FAT4: variants seen among roughly 807,000 people sequenced by gnomAD.
FAT4 encodes the protein FAT atypical cadherin 4.
Under a neutral mutation model 303.9 loss-of-function variants are expected in FAT4, and 84 were observed. The observed-to-expected ratio is 0.28, with a 90% confidence interval of 0.23 to 0.33. FAT4 has a LOEUF of 0.33. FAT4 is among the 10% of genes least tolerant of loss of function. FAT4 has a pLI of 1.00. For synonymous variants in FAT4, 2,307 were observed against 2,298.8 expected (o/e 1.00, Z -0.10); for missense variants, 6,005 against 6,146.8 (o/e 0.98, Z 0.77).
At chr4:125,349,161 A>C (rs556274764) in intron 2 of FAT4, among the ~76,000 whole-genome samples, 10 of 151,782 alleles carry the variant, frequency 6.6e-5, no homozygotes, top group Admixed American at 2.0e-4. Flanking sequence ...TTTTTGTTGA[A>C]GTTTATTAAA....
intron 10 of FAT4, among the ~76,000 whole-genome samples, chr4:125,461,794 G>T (rs1438710694): frequency 6.6e-6 from 1 of 151,684 alleles, no homozygotes; most frequent in African/African-American, 2.4e-5. Flanking sequence ...TTGCAACTGG[G>T]AAATACTGTG....
At chr4:125,460,730 G>C (rs573686675) in intron 10 of FAT4, among the ~76,000 whole-genome samples, 29 of 152,150 alleles carry the variant, frequency 1.9e-4, no homozygotes, top group African/African-American at 6.5e-4. Context: ...ATTGTGAATA[G>C]TGCTGCATTG....
rs6534485 is a variant in FAT4, at chr4:125,492,710, A to T, written c.*942A>T. On this transcript the variant is annotated 3_prime_UTR_variant, in exon 18 of 18. Transcript: ENST00000394329. ...TTGTCATTTTGTAGATCATTTTTTT[A>T]AAATACTGTGTAAAAACTTTTTTTA... 151,380 of 152,614 alleles carry T rather than the reference A, an allele frequency of 0.99. 75,092 individuals carry two copies. The highest frequency in any genetic ancestry group is 1 in the Middle Eastern group (294 of 294). 9.5% of individuals were successfully genotyped at this position (152,614 alleles called of 1,614,324 possible).
At chr4:125,339,266 C>A (rs1184092903) in intron 2 of FAT4, among the ~76,000 whole-genome samples, 1 of 151,276 alleles carries the variant, frequency 6.6e-6, no homozygotes, top group East Asian at 1.9e-4. Context: ...CGGGTTCAAG[C>A]GATTCTCCTG....
intron 2 of FAT4, among the ~76,000 whole-genome samples, chr4:125,372,568 A>G (rs1733160054): frequency 6.6e-6 from 1 of 152,154 alleles, no homozygotes; most frequent in Non-Finnish European, 1.5e-5. Context: ...TACTTAGAAC[A>G]TATTACTGGT....
intron 9 of FAT4, among the ~76,000 whole-genome samples, chr4:125,446,949 G>A (rs886221121): frequency 6.6e-6 from 1 of 151,898 alleles, no homozygotes; most frequent in African/African-American, 2.4e-5. Flanking sequence ...GAGATAATAG[G>A]CATTCAACTA....
Position 125,451,947 on chromosome 4 carries a change from T to C in FAT4, c.10937T>C (p.Leu3646Ser), listed in dbSNP as rs1560617543. ...GTGAAGCCACAGGATCCAGATGTGT[T>C]AGACAGCTTCCACTGCTCCCTTACT... ...GSVKPQDPDV[L>S]DSFHCSLTSG... The change falls in exon 10 of 18, where the codon TTA (leucine) becomes TCA (serine). Residue 3646 changes from leucine to serine, a missense_variant. Coordinates refer to ENST00000394329, the MANE Select transcript of FAT4 (RefSeq NM_001291303.3). 4 of 1,614,070 alleles carry C rather than the reference T, an allele frequency of 2.5e-6. No homozygotes were observed. Among genetic ancestry groups the C allele is most frequent in the Non-Finnish European group, 3.4e-6 (4 of 1,180,032 alleles).
Position 125,463,576 on chromosome 4 carries a change from A to G in FAT4, c.11814A>G (p.Glu3938=). 1 of 1,581,212 alleles carries G rather than the reference A, an allele frequency of 6.3e-7. No individual in the cohort carries two copies. Among genetic ancestry groups the G allele is most frequent in the Non-Finnish European group, 8.6e-7 (1 of 1,160,096 alleles). Residue 3938 remains glutamate, a synonymous_variant, in exon 11 of 18, where the codon GAA becomes GAG. Coordinates refer to ENST00000394329, the MANE Select transcript of FAT4 (RefSeq NM_001291303.3). ...CKTGYTGKMC[E]SSVNYCECNP... The stretch of plus-strand genomic sequence containing the variant: ...GATATATTTTAGGGAAAATGTGTGA[A>G]TCTTCAGTCAATTACTGTGAATGCA...
intron 5 of FAT4, 38 bp downstream of exon 5, chr4:125,408,832 T>C (rs1294493580): frequency 9.4e-7 from 1 of 1,059,518 alleles, no homozygotes; most frequent in African/African-American, 1.6e-5. Flanking sequence ...AAAACATCTA[T>C]AAACTGTCAT....
chr4:125,407,161 T>C lies in FAT4; in HGVS notation c.5569+20T>C. On this transcript the variant is annotated intron_variant, in intron 4 of 17. Coordinates refer to ENST00000394329, the MANE Select transcript of FAT4 (RefSeq NM_001291303.3). ...TCCCTGGTAGGTGATGGGTCTCTTATGTGTATTTTGCAAGAATCGCTTTTG... is the reference window on the plus strand; with the variant it reads ...TCCCTGGTAGGTGATGGGTCTCTTACGTGTATTTTGCAAGAATCGCTTTTG... The C allele has an allele frequency of 6.3e-7, 1 of 1,586,412 alleles. No homozygotes were observed. Among genetic ancestry groups the C allele is most frequent in the East Asian group, 2.3e-5 (1 of 44,386 alleles).
chr4:125,412,629 C>A (rs976252258), intron 5 of FAT4, among the ~76,000 whole-genome samples: 1 of 151,756 alleles, frequency 6.6e-6, no homozygotes, highest in African/African-American at 2.4e-5. Context: ...GGATCGTGTT[C>A]TCTTTTTGCC....
In FAT4 at chr4:125,320,713, C is replaced by T. The variant is rs1466166015; in HGVS notation, c.4302C>T (p.Pro1434=). Residue 1434 remains proline, a synonymous_variant, in exon 2 of 18, where the codon CCC becomes CCT. Coordinates refer to ENST00000394329, the MANE Select transcript of FAT4 (RefSeq NM_001291303.3). ...TCAAGTCTATTGTTGAGAACATTCC[C>T]ATCGGTACATCTGTCATTTCAGTGA... ...DIFKSIVENI[P]IGTSVISVTA... The T allele has an allele frequency of 6.2e-6, 10 of 1,613,954 alleles. No homozygotes were observed. Among genetic ancestry groups the T allele is most frequent in the Admixed American group, 1.7e-5 (1 of 59,998 alleles).
chr4:125,431,852 G>A (rs1197201049), intron 7 of FAT4, among the ~76,000 whole-genome samples: 2 of 120,930 alleles, frequency 1.7e-5, no homozygotes, highest in East Asian at 2.1e-4. Flanking sequence ...TATTCCCTAG[G>A]TAATTTTTTT....
chr4:125,460,631 C>T (rs1262065057), intron 10 of FAT4, among the ~76,000 whole-genome samples: 1 of 152,144 alleles, frequency 6.6e-6, no homozygotes, highest in East Asian at 1.9e-4. Flanking sequence ...TTTTTTATGA[C>T]TGCATAGTAT....
Position 125,379,234 on chromosome 4 carries a change from C to A in FAT4, c.5176-19550C>A, listed in dbSNP as rs562009452. ...CAAATTAAAAAATTAACATGCGGAA[C>A]AATCTTTTAAAAAGTTTTTTTTTTT... On this transcript the variant is annotated intron_variant, in intron 2 of 17. Transcript: ENST00000394329. 3.7e-3 allele frequency among the ~76,000 whole-genome samples: 553 copies of A among 149,672 alleles called. 5 individuals are homozygous for A. The highest frequency in any genetic ancestry group is 0.013 in the African/African-American group (516 of 40,884).
intron 10 of FAT4, among the ~76,000 whole-genome samples, chr4:125,454,702 A>G (rs953095224): frequency 3.9e-5 from 6 of 152,078 alleles, no homozygotes; most frequent in Admixed American, 1.3e-4. Context: ...GCGTGGTGGC[A>G]GGTGCCTGTA....
At position 125,398,792 on chromosome 4, in the gene FAT4, A is replaced by G. The variant is rs1296535115; in HGVS notation, c.5184A>G (p.Ile1728Met). The change falls in exon 3 of 18, where the codon ATA (isoleucine) becomes ATG (methionine). Residue 1728 changes from isoleucine (I) to methionine (M), a missense_variant. Transcript: ENST00000394329. ...FPRTQRAEVE[I>M]TLQDINDNPP... ...TTCCTTTTTCTTTGTAGGTAGAAAT[A>G]ACACTTCAGGATATCAATGACAATC... 3 of 1,612,872 alleles carry G rather than the reference A, an allele frequency of 1.9e-6. No individual in the cohort carries two copies. Among genetic ancestry groups the G allele is most frequent in the Non-Finnish European group, 2.5e-6 (3 of 1,179,230 alleles).
chr4:125,316,178 G>T lies in FAT4; in HGVS notation c.-13+201G>T, dbSNP rs572929996. On this transcript the variant is annotated intron_variant, in intron 1 of 17. Transcript: ENST00000394329. The surrounding 1 kb of genome is among the most constrained non-coding windows in gnomAD (Gnocchi z 5.7). ...AGCTCACAGGAGTGTCCCGCGGAATGCCCTGCCGCTTTTCGCCACAGCATC... is the reference window on the plus strand; with the variant it reads ...AGCTCACAGGAGTGTCCCGCGGAATTCCCTGCCGCTTTTCGCCACAGCATC... 6.6e-6 allele frequency among the ~76,000 whole-genome samples: 1 copy of T among 152,272 alleles called. No homozygotes were observed. The highest frequency in any genetic ancestry group is 2.4e-5 in the African/African-American group (1 of 41,566).
At chr4:125,484,867 C>T (rs1339500953) in intron 16 of FAT4, among the ~76,000 whole-genome samples, 2 of 151,814 alleles carry the variant, frequency 1.3e-5, no homozygotes, top group African/African-American at 2.4e-5. Context: ...GGGGGACAGC[C>T]TGGGCAACAG....
Sources: gnomAD v4.1 joint callset for allele counts (sites outside exome capture counted in the v4.1 genomes callset) on GRCh38, gnomAD v4.1.1 for gene constraint, Gnocchi (gnomAD v3.1) non-coding constraint, MANE v1.5 for transcripts, NCBI Gene and HGNC (gene_info 2026-07-23, HGNC 2026-07-21) for gene names.